DAB1: variants seen among roughly 807,000 people sequenced by gnomAD.
DAB1 encodes the protein disabled homolog 1.
DAB1 carries 15 observed loss-of-function variants against 64.6 expected under a neutral mutation model. That is an observed-to-expected ratio of 0.23 (90% confidence interval 0.16 to 0.36). DAB1 has a LOEUF of 0.36. Among genes scored for constraint, DAB1 ranks in the 10% least tolerant of loss-of-function variants. The pLI is 1.00. For missense variants in DAB1, 596 were observed against 706.7 expected, an observed-to-expected ratio of 0.84 and a Z score of 1.78; for synonymous variants, 235 against 251.9, an observed-to-expected ratio of 0.93 and a Z score of 0.64.
In DAB1 at chr1:57,537,029, T is replaced by C. The variant is rs563198950; in HGVS notation, n.625+112563A>G. 2.6e-5 allele frequency among the ~76,000 whole-genome samples: 4 copies of C among 152,220 alleles called. No homozygotes were observed. The East Asian group carries it at 7.7e-4, about 29-fold the overall frequency. Reference sequence around the variant, plus strand: ...CCTATCAGATTTTAAAGACCTAGTATGAAAAAAATGAGAATATAAAAAAGC... The same window carrying C: ...CCTATCAGATTTTAAAGACCTAGTACGAAAAAAATGAGAATATAAAAAAGC... On this transcript the variant is annotated intron_variant and non_coding_transcript_variant, in intron 7 of 20. Transcript: ENST00000485760.
intron 4 of DAB1, among the ~76,000 whole-genome samples, chr1:58,170,013 G>A (rs1352656750): frequency 6.6e-6 from 1 of 152,212 alleles, no homozygotes; most frequent in East Asian, 1.9e-4. Context: ...GAGATGTCAT[G>A]CTATTATTAG....
chr1:57,064,747 C>T (rs1160705039), intron 8 of DAB1, among the ~76,000 whole-genome samples: 1 of 152,206 alleles, frequency 6.6e-6, no homozygotes, highest in Non-Finnish European at 1.5e-5. Context: ...AGCTCATCTA[C>T]ACTCTTGCAG....
At chr1:58,224,074 C>T (rs1187200508) in intron 4 of DAB1, among the ~76,000 whole-genome samples, 1 of 152,172 alleles carries the variant, frequency 6.6e-6, no homozygotes, top group African/African-American at 2.4e-5. Context: ...CAATTGGGCT[C>T]CTTGCTGGAT....
At chr1:57,878,747 C>A (rs979861105) in intron 1 of DAB1, 5 of 152,132 alleles carry the variant, frequency 3.3e-5, no homozygotes, top group African/African-American at 1.2e-4. Context: ...AGTCACCCAA[C>A]AGTGCTGTAG....
At chr1:57,020,579 C>T (rs1054687967) in intron 11 of DAB1, among the ~76,000 whole-genome samples, 4 of 152,082 alleles carry the variant, frequency 2.6e-5, no homozygotes, top group Admixed American at 2.6e-4. Flanking sequence ...AAGACCTAAA[C>T]TTTATTACAG....
chr1:57,856,592 A>G (rs1315763648), intron 1 of DAB1, among the ~76,000 whole-genome samples: 3 of 151,882 alleles, frequency 2.0e-5, no homozygotes, highest in African/African-American at 7.3e-5. Context: ...ATGAAACCAC[A>G]TCTCTACTAA....
chr1:57,627,849 T>C lies in DAB1; in HGVS notation n.625+21743A>G, dbSNP rs569335008. ...TGAGGGTGGGGTGGGCAACAGGCCC[T>C]TTAGTTCCACTCTCTGTTCAAGTCT... On this transcript the variant is annotated intron_variant and non_coding_transcript_variant, in intron 7 of 20. Coordinates refer to the DAB1 transcript ENST00000485760. Among the ~76,000 whole-genome samples the C allele has an allele frequency of 3.9e-5, 6 of 152,314 alleles. No homozygotes were observed. In the East Asian group the frequency reaches 1.2e-3, roughly 29 times the overall value.
At chr1:58,220,890 C>CAT (rs33948834) in intron 4 of DAB1, among the ~76,000 whole-genome samples, 8 of 139,762 alleles carry the variant, frequency 5.7e-5, no homozygotes, top group Non-Finnish European at 7.8e-5. Flanking sequence ...CACACACACA[C>CAT]ATATATATAT....
intron 7 of DAB1, among the ~76,000 whole-genome samples, chr1:57,444,946 A>G (rs1432538877): frequency 1.3e-5 from 2 of 152,202 alleles, no homozygotes; most frequent in Non-Finnish European, 2.9e-5. Context: ...GTCAGTTAAT[A>G]TGTTGAATGA....
At position 58,330,031 on chromosome 1, in the gene DAB1, G is replaced by C. The variant is rs546356123; in HGVS notation, n.309+13321C>G. ...GGAAATGATTAAGATCAGTTAGAAA[G>C]GCACATTGAAAGCTGAGATAGTCCA... On this transcript the variant is annotated intron_variant and non_coding_transcript_variant, in intron 4 of 20. Transcript: ENST00000485760. 7.9e-5 allele frequency among the ~76,000 whole-genome samples: 12 copies of C among 152,260 alleles called. No individual in the cohort carries two copies. The South Asian group carries it at 2.5e-3, about 32-fold the overall frequency.
intron 1 of DAB1, among the ~76,000 whole-genome samples, chr1:57,842,009 A>G (rs760124479): frequency 2.6e-5 from 4 of 152,198 alleles, no homozygotes; most frequent in Non-Finnish European, 4.4e-5. Context: ...TTTAAACGTA[A>G]GTTCCAATTT....
At chr1:58,317,972 G>C (rs576526145) in intron 4 of DAB1, among the ~76,000 whole-genome samples, 5 of 152,292 alleles carry the variant, frequency 3.3e-5, no homozygotes, top group African/African-American at 1.2e-4. Flanking sequence ...TTAATGAGCA[G>C]CACAATGCCT....
In DAB1 at chr1:58,266,272, G is replaced by A. The variant is rs561716226; in HGVS notation, n.309+77080C>T. On this transcript the variant is annotated intron_variant and non_coding_transcript_variant, in intron 4 of 20. Transcript: ENST00000485760. ...TGTTTGAGTCTCTCCCTACAGGGTGGTAGGTCTGAAGGGGCCTTTTCAGTG... is the reference window on the plus strand; with the variant it reads ...TGTTTGAGTCTCTCCCTACAGGGTGATAGGTCTGAAGGGGCCTTTTCAGTG... Among the ~76,000 whole-genome samples, 3 of 152,320 alleles carry A rather than the reference G, an allele frequency of 2.0e-5. No individual in the cohort carries two copies. In the South Asian group the frequency reaches 6.2e-4, roughly 32 times the overall value.
chr1:58,423,713 C>T (rs958795408), intron 3 of DAB1, among the ~76,000 whole-genome samples: 7 of 152,204 alleles, frequency 4.6e-5, no homozygotes, highest in African/African-American at 1.7e-4. Context: ...ATGGCTACAG[C>T]TCCTGCCAGG....
At chr1:57,128,633 G>C (rs1657367140) in intron 4 of DAB1, among the ~76,000 whole-genome samples, 1 of 152,220 alleles carries the variant, frequency 6.6e-6, no homozygotes, top group African/African-American at 2.4e-5. Context: ...TGGGGAAACA[G>C]GGGCCCGTAC....
At chr1:57,433,939 A>G (rs1685602149) in intron 7 of DAB1, among the ~76,000 whole-genome samples, 1 of 152,036 alleles carries the variant, frequency 6.6e-6, no homozygotes, top group Non-Finnish European at 1.5e-5. Flanking sequence ...AGAAAACTGT[A>G]ATAAGACACC....
Position 57,034,790 on chromosome 1 carries a change from C to T in DAB1, c.724-8747G>A, listed in dbSNP as rs184735728. ...TACGCATGAATAGTTTTGAGGAGAG[C>T]TTTTGGCAATGCAGGAGTGGGAAAA... On this transcript the variant is annotated intron_variant, in intron 9 of 14. Coordinates refer to ENST00000371236, the MANE Select transcript of DAB1 (RefSeq NM_001365792.1). 4.6e-5 allele frequency among the ~76,000 whole-genome samples: 7 copies of T among 152,246 alleles called. No homozygotes were observed. In the East Asian group the frequency reaches 1.2e-3, roughly 25 times the overall value.
chr1:58,543,187 G>A (rs1398161059), intron 1 of DAB1, among the ~76,000 whole-genome samples: 1 of 152,146 alleles, frequency 6.6e-6, no homozygotes, highest in African/African-American at 2.4e-5. Flanking sequence ...TTTCTTCAAT[G>A]AGTTTCTGTA....
chr1:58,135,673 A>G (rs1653903307), intron 5 of DAB1, among the ~76,000 whole-genome samples: 1 of 152,184 alleles, frequency 6.6e-6, no homozygotes, highest in Admixed American at 6.6e-5. Context: ...TTTGCTTTAT[A>G]GAGCATCAAA....
Sources: allele counts gnomAD v4.1 joint callset (sites outside exome capture counted in the v4.1 genomes callset), GRCh38; gene constraint gnomAD v4.1.1; transcripts MANE v1.5; gene names NCBI Gene and HGNC (gene_info 2026-07-23, HGNC 2026-07-21).